GRIN2B: variants seen among roughly 807,000 people sequenced by gnomAD.
GRIN2B encodes glutamate ionotropic receptor NMDA type subunit 2B.
In GRIN2B, 5 loss-of-function variants were observed where a neutral mutation model predicts 114.5. The observed-to-expected ratio is 0.04, with a 90% confidence interval of 0.02 to 0.09. GRIN2B has a LOEUF of 0.09. GRIN2B is among the 10% of genes least tolerant of loss of function. The probability of loss-of-function intolerance (pLI) is 1.00; values close to 1 mark genes in which losing one functional copy is unlikely to be tolerated. For synonymous variants in GRIN2B, 787 were observed against 745.1 expected (o/e 1.06, Z -0.92); for missense variants, 1,108 against 1,943.5 (o/e 0.57, Z 8.08).
At chr12:13,922,512 G>A (rs1354638569) in intron 2 of GRIN2B, among the ~76,000 whole-genome samples, 1 of 152,160 alleles carries the variant, frequency 6.6e-6, no homozygotes, top group African/African-American at 2.4e-5. Flanking sequence ...AATTTCAAAT[G>A]GGCAAGACTG....
intron 3 of GRIN2B, among the ~76,000 whole-genome samples, chr12:13,756,704 T>C (rs907194217): frequency 3.3e-5 from 5 of 152,186 alleles, no homozygotes; most frequent in African/African-American, 1.2e-4. Context: ...AATGAACAGA[T>C]CTTATCACAA....
In GRIN2B at chr12:13,774,821, T is replaced by G. The variant is rs1249747452; in HGVS notation, c.412-20906A>C. Among the ~76,000 whole-genome samples, 3 of 152,170 alleles carry G rather than the reference T, an allele frequency of 2.0e-5. No individual in the cohort carries two copies. In the East Asian group the frequency reaches 5.8e-4, roughly 29 times the overall value. Reference sequence around the variant, plus strand: ...TAATGGGAAATTATCCTTGATCAAATAGAGTTTACAGTTTTTACACCCAGA... The same window carrying G: ...TAATGGGAAATTATCCTTGATCAAAGAGAGTTTACAGTTTTTACACCCAGA... On this transcript the variant is annotated intron_variant, in intron 3 of 13. Coordinates refer to ENST00000609686, the MANE Select transcript of GRIN2B (RefSeq NM_000834.5).
rs1469017998 is a variant in GRIN2B at position 13,587,015 on chromosome 12, A to T, written c.2011-15051T>A. On this transcript the variant is annotated intron_variant, in intron 10 of 13. Transcript: ENST00000609686. ...TTTAATTACTGCAGATCCATTAGTG[A>T]ACAAAACAGACAAATTCTTGCCTTC... Among the ~76,000 whole-genome samples, 3 of 152,352 alleles carry T rather than the reference A, an allele frequency of 2.0e-5. No individual in the cohort carries two copies. The East Asian group carries it at 5.8e-4, about 29-fold the overall frequency.
chr12:13,941,067 T>TCACACACACACA (rs57165618), intron 2 of GRIN2B, among the ~76,000 whole-genome samples: 206 of 150,864 alleles, frequency 1.4e-3, no homozygotes, highest in African/African-American at 4.9e-3. Flanking sequence ...ACACATATGT[T>TCACACACACACA]CACACACACA....
At chr12:13,932,986 T>TGC (rs763294873) in intron 2 of GRIN2B, among the ~76,000 whole-genome samples, 2,044 of 148,340 alleles carry the variant, frequency 0.014, 25 homozygotes, top group African/African-American at 0.041. Flanking sequence ...TGTGTGTGTG[T>TGC]GCGTGTGCGT....
Position 13,739,951 on chromosome 12 carries a change from C to G in GRIN2B, c.1010+13366G>C, listed in dbSNP as rs942430293. Among the ~76,000 whole-genome samples the G allele has an allele frequency of 2.6e-5, 4 of 152,100 alleles. No homozygotes were observed. The East Asian group carries it at 7.7e-4, about 29-fold the overall frequency. ...AGCCCACAAAGTGTGGGTGTATGCA[C>G]GTGGGGGAAGGGGACTCTGGTCTAT... On this transcript the variant is annotated intron_variant, in intron 4 of 13. Transcript: ENST00000609686.
chr12:13,842,400 A>G (rs1234131670), intron 3 of GRIN2B, among the ~76,000 whole-genome samples: 3 of 152,204 alleles, frequency 2.0e-5, no homozygotes, highest in Non-Finnish European at 4.4e-5. Flanking sequence ...CGGCTTTTGT[A>G]GCTCACTGCC....
At chr12:13,784,793 C>A (rs1468322350) in intron 3 of GRIN2B, among the ~76,000 whole-genome samples, 5 of 152,172 alleles carry the variant, frequency 3.3e-5, no homozygotes, top group Non-Finnish European at 7.3e-5. Context: ...CCTGGACCAG[C>A]CTGTAACCAG....
chr12:13,711,469 A>G (rs1262322760), intron 4 of GRIN2B, among the ~76,000 whole-genome samples: 1 of 152,156 alleles, frequency 6.6e-6, no homozygotes, highest in Non-Finnish European at 1.5e-5. Context: ...AAATTTTTGC[A>G]ATCTACTCAT....
At chr12:13,966,113 G>C (rs1434007744) in intron 2 of GRIN2B, among the ~76,000 whole-genome samples, 1 of 152,136 alleles carries the variant, frequency 6.6e-6, no homozygotes, top group Non-Finnish European at 1.5e-5. Flanking sequence ...GCAATCATTA[G>C]AGCACTTTAT....
intron 3 of GRIN2B, among the ~76,000 whole-genome samples, chr12:13,792,012 T>G (rs912207816): frequency 6.6e-6 from 1 of 152,226 alleles, no homozygotes; most frequent in Admixed American, 6.5e-5. Context: ...TCTAGCTTCA[T>G]GAAATCCACT....
intron 5 of GRIN2B, among the ~76,000 whole-genome samples, chr12:13,673,379 C>T (rs7316060): frequency 0.025 from 3,784 of 152,086 alleles, 141 homozygotes; most frequent in African/African-American, 0.079. Flanking sequence ...CAGACCAGAG[C>T]CTTGAATGCA....
Position 13,543,623 on chromosome 12 carries a change from A to C in GRIN2B, c.*19160T>G, listed in dbSNP as rs1162171838. ...TCATAAAAACTCAAATAATTCCTTTATGCCCCCTAGCATGTCTCCTATATT... is the reference window on the plus strand; with the variant it reads ...TCATAAAAACTCAAATAATTCCTTTCTGCCCCCTAGCATGTCTCCTATATT... On this transcript the variant is annotated 3_prime_UTR_variant, in exon 14 of 14. Coordinates refer to ENST00000609686, the MANE Select transcript of GRIN2B (RefSeq NM_000834.5). 1 of 152,126 alleles carries C rather than the reference A, an allele frequency of 6.6e-6. No homozygotes were observed. The highest frequency in any genetic ancestry group is 1.5e-5 in the Non-Finnish European group (1 of 68,018). 9.4% of individuals were successfully genotyped at this position (152,126 alleles called of 1,614,324 possible).
intron 3 of GRIN2B, among the ~76,000 whole-genome samples, chr12:13,760,895 T>C (rs1170086366): frequency 6.6e-6 from 1 of 152,232 alleles, no homozygotes; most frequent in Non-Finnish European, 1.5e-5. Flanking sequence ...TACCACACCA[T>C]CATTTTTTTC....
intron 3 of GRIN2B, among the ~76,000 whole-genome samples, chr12:13,776,636 G>A (rs1196719122): frequency 6.6e-6 from 1 of 152,090 alleles, no homozygotes; most frequent in South Asian, 2.1e-4. Flanking sequence ...GGAAAAAACA[G>A]AAATAAACAA....
chr12:13,631,087 A>G (rs774984903), intron 5 of GRIN2B, among the ~76,000 whole-genome samples: 1 of 152,076 alleles, frequency 6.6e-6, no homozygotes, highest in East Asian at 1.9e-4. Flanking sequence ...CCATGATCCA[A>G]TCACCTCCCA....
chr12:13,575,508 A>T (rs1400780005), intron 10 of GRIN2B, among the ~76,000 whole-genome samples: 2 of 151,896 alleles, frequency 1.3e-5, no homozygotes, highest in African/African-American at 4.8e-5. Context: ...AAAATATAAA[A>T]ATTAGCCGTG....
intron 5 of GRIN2B, among the ~76,000 whole-genome samples, chr12:13,625,756 A>G (rs1949558514): frequency 6.6e-6 from 1 of 152,118 alleles, no homozygotes; most frequent in Non-Finnish European, 1.5e-5. Flanking sequence ...ATTTTCATTC[A>G]CGTGCAAATA....
At chr12:13,634,949 GA>G (rs1361738148) in intron 5 of GRIN2B, among the ~76,000 whole-genome samples, 1 of 152,196 alleles carries the variant, frequency 6.6e-6, no homozygotes, top group Admixed American at 6.5e-5. Context: ...GGGAGGCTAT[GA>G]AAAAATTCAG....
Sources: allele counts gnomAD v4.1 joint callset (sites outside exome capture counted in the v4.1 genomes callset), GRCh38; gene constraint gnomAD v4.1.1; transcripts MANE v1.5; gene names NCBI Gene and HGNC (gene_info 2026-07-23, HGNC 2026-07-21).